RPS6KA5: variants seen among roughly 807,000 people sequenced by gnomAD.
RPS6KA5 encodes ribosomal protein S6 kinase alpha-5.
RPS6KA5 carries 27 observed loss-of-function variants against 85.5 expected under a neutral mutation model. The ratio of observed to expected loss-of-function variants is 0.32; its 90% CI spans 0.23 to 0.44. The LOEUF (loss-of-function observed/expected upper bound fraction) is 0.44, where lower values mean the gene tolerates loss of function less well. Ranked by LOEUF, RPS6KA5 falls within the 20% of genes least tolerant of loss-of-function variation. The probability of loss-of-function intolerance (pLI) is 1.00; values close to 1 mark genes in which losing one functional copy is unlikely to be tolerated. For missense variants in RPS6KA5, 811 were observed against 980.9 expected, an observed-to-expected ratio of 0.83 and a Z score of 2.31; for synonymous variants, 334 against 348.2, an observed-to-expected ratio of 0.96 and a Z score of 0.46.
At chr14:90,911,677 G>A (rs1319042809) in intron 7 of RPS6KA5, among the ~76,000 whole-genome samples, 1 of 152,136 alleles carries the variant, frequency 6.6e-6, no homozygotes, top group African/African-American at 2.4e-5. Context: ...TTTCTAATTA[G>A]AGAACAAAAT....
In RPS6KA5 at chr14:90,858,645, C is replaced by T. The variant is rs1469435091; in HGVS notation, c.*13429G>A. 6.6e-6 allele frequency: 1 copy of T among 152,094 alleles called. No homozygotes were observed. The highest frequency in any genetic ancestry group is 1.9e-4 in the East Asian group (1 of 5,190). The allele number at this position is 152,094 out of a possible 1,614,324, so 9.4% of individuals were successfully genotyped here. A position where few individuals can be genotyped will look rare whatever the true frequency, so the allele number is the denominator to read the frequency against. On this transcript the variant is annotated 3_prime_UTR_variant, in exon 17 of 17. Transcript: ENST00000614987. ...ACAGGAAAAGGGTTAAGTAGAACAT[C>T]TTTTATAGGCAACAGGGAGCAAACC...
intron 3 of RPS6KA5, among the ~76,000 whole-genome samples, chr14:90,972,126 T>C (rs1001398452): frequency 6.6e-6 from 1 of 152,176 alleles, no homozygotes; most frequent in Non-Finnish European, 1.5e-5. Flanking sequence ...TCAGCAAACA[T>C]ACCATGTTCT....
chr14:90,868,296 C>T lies in RPS6KA5; in HGVS notation c.*3778G>A, dbSNP rs983109809. ...TCCAAACTTCAAATTTCATTAGAGC[C>T]GGCTACATTTGTTTTAGTGCCAGAT... On this transcript the variant is annotated 3_prime_UTR_variant, in exon 17 of 17. Coordinates refer to ENST00000614987, the MANE Select transcript of RPS6KA5 (RefSeq NM_004755.4). 3.3e-5 allele frequency: 5 copies of T among 152,128 alleles called. No individual in the cohort carries two copies. Among genetic ancestry groups the T allele is most frequent in the Admixed American group, 2.0e-4 (3 of 15,268 alleles). The allele number at this position is 152,128 out of a possible 1,614,324, so 9.4% of individuals were successfully genotyped here. A position where few individuals can be genotyped will look rare whatever the true frequency, so the allele number is the denominator to read the frequency against.
chr14:90,947,933 C>G (rs1039315917), intron 3 of RPS6KA5, among the ~76,000 whole-genome samples: 3 of 152,198 alleles, frequency 2.0e-5, no homozygotes, highest in African/African-American at 7.2e-5. Context: ...AAACAAAACA[C>G]AAAGTCCCAT....
At chr14:90,932,948 TTTCATCCTCAC>T (rs1430479303) in intron 5 of RPS6KA5, among the ~76,000 whole-genome samples, 1 of 152,120 alleles carries the variant, frequency 6.6e-6, no homozygotes, top group Non-Finnish European at 1.5e-5. Flanking sequence ...AAAACCCTCT[TTTCATCCTCAC>T]TTCATCCTCT....
intron 1 of RPS6KA5, among the ~76,000 whole-genome samples, chr14:91,053,329 A>G (rs778793701): frequency 6.6e-6 from 1 of 152,254 alleles, no homozygotes; most frequent in African/African-American, 2.4e-5. Flanking sequence ...TGCAAGTTCT[A>G]TTGAACCATA....
intron 8 of RPS6KA5, among the ~76,000 whole-genome samples, chr14:90,904,564 AAGCACATAACT>A (rs1234675558): frequency 1.3e-5 from 2 of 152,206 alleles, no homozygotes; most frequent in East Asian, 3.8e-4. Flanking sequence ...TTTCCATTAT[AAGCACATAACT>A]TGTGCTTGGC....
At chr14:90,943,384 G>A (rs563418609) in intron 4 of RPS6KA5, among the ~76,000 whole-genome samples, 199 bp from the exon 5 acceptor site, 4 of 151,928 alleles carry the variant, frequency 2.6e-5, no homozygotes, top group Non-Finnish European at 4.4e-5. Context: ...CTCCAACCAC[G>A]TCTTTGTTCT....
chr14:91,044,367 A>G (rs1390675817), intron 1 of RPS6KA5, among the ~76,000 whole-genome samples: 2 of 14,320 alleles, frequency 1.4e-4, no homozygotes, highest in African/African-American at 4.6e-4. Flanking sequence ...AAGAAAGAGA[A>G]AGAAAGAAGG....
chr14:90,966,860 G>A (rs2039086391), intron 3 of RPS6KA5, among the ~76,000 whole-genome samples: 1 of 152,176 alleles, frequency 6.6e-6, no homozygotes, highest in South Asian at 2.1e-4. Flanking sequence ...AAATAGAAAA[G>A]AAGAGAGAAA....
Position 90,894,579 on chromosome 14 carries a change from T to A in RPS6KA5, c.1478A>T (p.His493Leu), listed in dbSNP as rs1329043053. ...KLHEVFHDQL[H>L]TFLVMELLNG... ...CAGAAGTTCCATCACTAGAAACGTG[T>A]GAAGCTAGAAAAGAGAAAGAATAAC... The change falls in exon 13 of 17, where the codon CAC becomes CTC. Residue 493 changes from histidine (H) to leucine (L), a missense_variant. By Grantham distance (99) the His-to-Leu change is moderately conservative (BLOSUM62 -3). This residue lies in a region of RPS6KA5 where 650 missense variants were observed against 793.4 expected (regional missense o/e 0.82). Transcript: ENST00000614987. The A allele has an allele frequency of 6.2e-7, 1 of 1,613,682 alleles. No individual in the cohort carries two copies. Among genetic ancestry groups the A allele is most frequent in the Admixed American group, 1.7e-5 (1 of 59,966 alleles).
chr14:91,011,049 T>G (rs1420509494), intron 1 of RPS6KA5, among the ~76,000 whole-genome samples: 5 of 151,958 alleles, frequency 3.3e-5, no homozygotes, highest in African/African-American at 1.2e-4. Flanking sequence ...AAAACACACC[T>G]CAGAAGATGA....
chr14:90,925,836 G>A (rs1343656692), intron 5 of RPS6KA5, among the ~76,000 whole-genome samples: 4 of 150,122 alleles, frequency 2.7e-5, no homozygotes, highest in Non-Finnish European at 5.9e-5. Context: ...AGCTACTTGG[G>A]AGACTGAGCC....
chr14:90,925,290 G>C (rs1460441947), intron 5 of RPS6KA5, among the ~76,000 whole-genome samples: 3 of 152,208 alleles, frequency 2.0e-5, no homozygotes, highest in Non-Finnish European at 2.9e-5. Context: ...GCTCAAATGA[G>C]ATGGGCTAGA....
chr14:91,056,528 G>T (rs1257264625), intron 1 of RPS6KA5, among the ~76,000 whole-genome samples: 1 of 152,152 alleles, frequency 6.6e-6, no homozygotes, highest in Non-Finnish European at 1.5e-5. Context: ...TAGTGGGGAA[G>T]AATAAAGCCA....
At chr14:90,961,342 G>A (rs2038786135) in intron 3 of RPS6KA5, among the ~76,000 whole-genome samples, 1 of 152,184 alleles carries the variant, frequency 6.6e-6, no homozygotes. Context: ...GGAGAGTAAG[G>A]ATGATGAACG....
At chr14:90,905,535 T>G (rs1275519972) in intron 8 of RPS6KA5, among the ~76,000 whole-genome samples, 5 of 151,826 alleles carry the variant, frequency 3.3e-5, no homozygotes, top group Admixed American at 3.3e-4. Flanking sequence ...TATTTTGGTG[T>G]TTTTTTTGTA....
At chr14:90,876,494 A>G (rs1269823360) in intron 14 of RPS6KA5, among the ~76,000 whole-genome samples, 1 of 152,268 alleles carries the variant, frequency 6.6e-6, no homozygotes, top group Admixed American at 6.5e-5. Flanking sequence ...TAAAGTTAAC[A>G]GAATAACAAA....
At chr14:91,047,152 A>C (rs903669148) in intron 1 of RPS6KA5, among the ~76,000 whole-genome samples, 1 of 152,140 alleles carries the variant, frequency 6.6e-6, no homozygotes, top group African/African-American at 2.4e-5. Flanking sequence ...TACTTATTTA[A>C]TTATATGTTT....
Sources: allele counts gnomAD v4.1 joint callset (sites outside exome capture counted in the v4.1 genomes callset), GRCh38; gene constraint gnomAD v4.1.1; regional missense constraint gnomAD v4.1.1; transcripts MANE v1.5; gene names NCBI Gene and HGNC (gene_info 2026-07-23, HGNC 2026-07-21).